CNTNAP5: variants seen among roughly 807,000 people sequenced by gnomAD.
CNTNAP5 encodes the protein contactin associated protein family member 5, also known as contactin-associated protein-like 5.
CNTNAP5 carries 72 observed loss-of-function variants against 150.2 expected under a neutral mutation model. That is an observed-to-expected ratio of 0.48 (90% CI 0.40 to 0.58). The LOEUF is 0.58. Ranked by LOEUF, CNTNAP5 falls within the 20% of genes least tolerant of loss-of-function variation. CNTNAP5 has a pLI of 0.00. For synonymous variants in CNTNAP5, 672 were observed against 619.8 expected, an observed-to-expected ratio of 1.08 and a Z score of -1.25; for missense variants, 1,636 against 1,626.2, an observed-to-expected ratio of 1.01 and a Z score of -0.10.
At chr2:124,176,181 G>T (rs1403247626) in intron 1 of CNTNAP5, among the ~76,000 whole-genome samples, 2 of 152,176 alleles carry the variant, frequency 1.3e-5, no homozygotes, top group Non-Finnish European at 2.9e-5. Flanking sequence ...GATGGCACAT[G>T]CTGTGCGTGC....
intron 19 of CNTNAP5, among the ~76,000 whole-genome samples, chr2:124,839,651 G>A (rs1478100740): frequency 6.6e-6 from 1 of 151,992 alleles, no homozygotes; most frequent in African/African-American, 2.4e-5. Flanking sequence ...AGACTACTCT[G>A]TTCTTAAGAA....
chr2:124,354,614 C>CT (rs1416181241), intron 3 of CNTNAP5, among the ~76,000 whole-genome samples: 1 of 152,130 alleles, frequency 6.6e-6, no homozygotes, highest in Non-Finnish European at 1.5e-5. Flanking sequence ...ACGTGAGTCT[C>CT]TATGAGTAAG....
chr2:124,241,656 AC>A (rs1328887562), intron 2 of CNTNAP5, among the ~76,000 whole-genome samples: 20 of 152,050 alleles, frequency 1.3e-4, no homozygotes, highest in African/African-American at 4.6e-4. Context: ...AATGAATGAT[AC>A]TCTTCAAAGG....
intron 12 of CNTNAP5, among the ~76,000 whole-genome samples, chr2:124,624,345 T>G (rs1247673668): frequency 6.6e-6 from 1 of 152,214 alleles, no homozygotes; most frequent in South Asian, 2.1e-4. Context: ...GCTCAGGTGA[T>G]TGCAGTGTGA....
chr2:124,375,699 T>C (rs4848240), intron 3 of CNTNAP5, among the ~76,000 whole-genome samples: 88,391 of 151,886 alleles, frequency 0.58, 26,143 homozygotes, highest in African/African-American at 0.66. Context: ...ATGCAAGTTT[T>C]TCACATTGGC....
intron 14 of CNTNAP5, among the ~76,000 whole-genome samples, chr2:124,749,445 G>A (rs1409288560): frequency 1.4e-5 from 2 of 146,418 alleles, no homozygotes; most frequent in African/African-American, 5.1e-5. Context: ...TTCTTCCTTA[G>A]ACGGAGTCTT....
At chr2:124,389,509 G>A (rs1485259596) in intron 3 of CNTNAP5, among the ~76,000 whole-genome samples, 1 of 151,952 alleles carries the variant, frequency 6.6e-6, no homozygotes, top group African/African-American at 2.4e-5. Flanking sequence ...ATTTTTGTCA[G>A]ACAAAAAAAT....
At chr2:124,315,313 T>C (rs1180038100) in intron 3 of CNTNAP5, among the ~76,000 whole-genome samples, 1 of 152,160 alleles carries the variant, frequency 6.6e-6, no homozygotes, top group African/African-American at 2.4e-5. Flanking sequence ...ACTTAGCCTA[T>C]GCTATCCTTC....
At chr2:124,370,745 G>A (rs892942180) in intron 3 of CNTNAP5, among the ~76,000 whole-genome samples, 3 of 152,096 alleles carry the variant, frequency 2.0e-5, no homozygotes, top group Admixed American at 6.6e-5. Flanking sequence ...GCTGCATGGG[G>A]GACATAAGGG....
chr2:124,209,193 A>C (rs956596211), intron 1 of CNTNAP5, among the ~76,000 whole-genome samples: 2 of 152,208 alleles, frequency 1.3e-5, no homozygotes, highest in Non-Finnish European at 2.9e-5. Flanking sequence ...CCTCCAAATT[A>C]CTAGATATAT....
intron 2 of CNTNAP5, among the ~76,000 whole-genome samples, chr2:124,237,634 C>T (rs1438431883): frequency 3.9e-5 from 6 of 152,020 alleles, no homozygotes; most frequent in African/African-American, 9.7e-5. Flanking sequence ...ATCAGGAGTT[C>T]GAGAGCAGTC....
chr2:124,648,820 G>A lies in CNTNAP5; in HGVS notation c.2077+862G>A, dbSNP rs182907305. Among the ~76,000 whole-genome samples, 7 of 152,248 alleles carry A rather than the reference G, an allele frequency of 4.6e-5. No individual in the cohort carries two copies. The East Asian group carries it at 1.4e-3, about 29-fold the overall frequency. On this transcript the variant is annotated intron_variant, in intron 13 of 23. Transcript: ENST00000682447. ...TGGGAGAAAAAAGGACAAAAGATCT[G>A]AAGTATCTAAGAAAGGGTGTTATAA...
At position 124,914,156 on chromosome 2, in the gene CNTNAP5, C is replaced by G; in HGVS notation, c.3792C>G (p.Tyr1264Ter). 11 of 1,612,510 alleles carry G rather than the reference C, an allele frequency of 6.8e-6. No homozygotes were observed. Among genetic ancestry groups the G allele is most frequent in the Non-Finnish European group, 9.3e-6 (11 of 1,178,960 alleles). ...CIIGIMTRFL[Y>*]QHKQSHRTSQ... ...TCGGCATCATGACCCGGTTCCTCTA[C>G]CAGCACAAGCAGTCACATCGTACGA... The change falls in exon 24 of 24, where the codon TAC (tyrosine) becomes TAG (stop). Residue 1264 changes from tyrosine to a stop codon, truncating the protein, a stop_gained. Coordinates refer to ENST00000682447, the MANE Select transcript of CNTNAP5 (RefSeq NM_001367498.1). LOFTEE classifies it high-confidence loss of function.
At chr2:124,159,642 C>T (rs1428423106) in intron 1 of CNTNAP5, among the ~76,000 whole-genome samples, 1 of 152,122 alleles carries the variant, frequency 6.6e-6, no homozygotes. Flanking sequence ...GACAAAGTGA[C>T]CCCTAGGTTT....
At chr2:124,686,937 C>T (rs13405693) in intron 13 of CNTNAP5, among the ~76,000 whole-genome samples, 3,693 of 152,208 alleles carry the variant, frequency 0.024, 48 homozygotes, top group Middle Eastern at 0.037. Flanking sequence ...CTTCCTGAAA[C>T]GGTAGAAATG....
chr2:124,562,387 T>C (rs1023858761), intron 10 of CNTNAP5, among the ~76,000 whole-genome samples: 1 of 152,242 alleles, frequency 6.6e-6, no homozygotes, highest in African/African-American at 2.4e-5. Flanking sequence ...TGGAGTTTTA[T>C]GATAGTCCAT....
chr2:124,918,913 G>T lies in CNTNAP5; in HGVS notation c.*4625G>T, dbSNP rs1388230732. Among the ~76,000 whole-genome samples, 1 of 152,118 alleles carries T rather than the reference G, an allele frequency of 6.6e-6. No homozygotes were observed. The highest frequency in any genetic ancestry group is 2.4e-5 in the African/African-American group (1 of 41,448). The stretch of plus-strand genomic sequence containing the variant: ...AACTGAGTGCTATTTTCTGTCTCAT[G>T]CAGTTTGAACATGTTTTCTTTAAAA... On this transcript the variant is annotated 3_prime_UTR_variant, in exon 24 of 24. Coordinates refer to ENST00000682447, the MANE Select transcript of CNTNAP5 (RefSeq NM_001367498.1).
At chr2:124,901,386 A>C (rs1301551802) in intron 21 of CNTNAP5, among the ~76,000 whole-genome samples, 2 of 147,704 alleles carry the variant, frequency 1.4e-5, no homozygotes, top group Non-Finnish European at 2.9e-5. Context: ...GTAATCAAAA[A>C]GGTCCTCAAA....
intron 1 of CNTNAP5, among the ~76,000 whole-genome samples, chr2:124,176,187 C>T (rs142297710): frequency 2.1e-4 from 32 of 152,294 alleles, no homozygotes; most frequent in Non-Finnish European, 4.1e-4. Flanking sequence ...ACATGCTGTG[C>T]GTGCTCCCTA....
Sources: allele counts gnomAD v4.1 joint callset (sites outside exome capture counted in the v4.1 genomes callset), GRCh38; gene constraint gnomAD v4.1.1; transcripts MANE v1.5; gene names NCBI Gene and HGNC (gene_info 2026-07-23, HGNC 2026-07-21).